EFCAB5: variants seen among roughly 807,000 people sequenced by gnomAD.
The protein encoded by EFCAB5 is EF-hand calcium binding domain 5, also known as EF-hand calcium-binding domain-containing protein 5.
Under a neutral mutation model 167.9 loss-of-function variants are expected in EFCAB5, and 131 were observed. The observed-to-expected ratio is 0.78, with a 90% CI of 0.68 to 0.90. The LOEUF is 0.90. Ranked by LOEUF, EFCAB5 falls within the 40% of genes least tolerant of loss-of-function variation. The pLI, the probability that EFCAB5 is intolerant of heterozygous loss-of-function variation, is 0.00. For missense variants in EFCAB5, 1,663 were observed against 1,745.2 expected (o/e 0.95, Z 0.84); for synonymous variants, 574 against 602.8 (o/e 0.95, Z 0.70).
chr17:30,053,141 A>C, intron 9 of EFCAB5, 114 bp from the exon 10 acceptor site: 113 of 1,102,418 alleles, frequency 1.0e-4, no homozygotes, highest in Non-Finnish European at 1.3e-4. Context: ...ATTTAGAGCA[A>C]TAGGCCTATA....
chr17:29,953,391 G>A (rs893419195), intron 3 of EFCAB5, among the ~76,000 whole-genome samples: 5 of 152,224 alleles, frequency 3.3e-5, no homozygotes, highest in Non-Finnish European at 7.3e-5. Context: ...TGTGTCATGG[G>A]AGGACCCAGT....
intron 4 of EFCAB5, among the ~76,000 whole-genome samples, chr17:29,990,299 T>C (rs1329043148): frequency 6.6e-6 from 1 of 152,206 alleles, no homozygotes; most frequent in Non-Finnish European, 1.5e-5. Context: ...TGAATAGTTA[T>C]AGGATGTTTA....
intron 14 of EFCAB5, among the ~76,000 whole-genome samples, chr17:30,060,200 T>A (rs2070387499): frequency 6.6e-6 from 1 of 151,606 alleles, no homozygotes; most frequent in South Asian, 2.1e-4. Context: ...CCCTAAAACT[T>A]AAAGTATAAT....
At position 30,059,645 on chromosome 17, in the gene EFCAB5, T is replaced by C. The variant is rs1448966957; in HGVS notation, c.2681T>C (p.Val894Ala). The C allele has an allele frequency of 1.9e-6, 3 of 1,612,640 alleles. No individual in the cohort carries two copies. Among genetic ancestry groups the C allele is most frequent in the Non-Finnish European group, 2.5e-6 (3 of 1,179,080 alleles). Reference sequence around the variant, plus strand: ...TCAGGCTTCCTGGATCTGAAGGAAGTTGATGAACTCTTGTACACATACAAG... The same window carrying C: ...TCAGGCTTCCTGGATCTGAAGGAAGCTGATGAACTCTTGTACACATACAAG... ...DGSGFLDLKE[V>A]DELLYTYKEG... Residue 894 changes from valine (V) to alanine (A), a missense_variant, in exon 14 of 23, where the codon GTT becomes GCT. By Grantham distance (64) the Val-to-Ala change is moderately conservative (BLOSUM62 0). Coordinates refer to ENST00000394835, the MANE Select transcript of EFCAB5 (RefSeq NM_198529.4).
chr17:30,053,592 A>G lies in EFCAB5; in HGVS notation c.1638A>G (p.Pro546=). ...QELYIESVIE[P]GTHTESTLEQ... ...TGTACATAGAATCAGTAATAGAACC[A>G]GGAACACACACAGAGTCAACTCTAG... Residue 546 remains proline, a synonymous_variant, in exon 10 of 23, where the codon CCA becomes CCG. Coordinates refer to ENST00000394835, the MANE Select transcript of EFCAB5 (RefSeq NM_198529.4). 1 of 1,614,016 alleles carries G rather than the reference A, an allele frequency of 6.2e-7. No homozygotes were observed. Among genetic ancestry groups the G allele is most frequent in the Non-Finnish European group, 8.5e-7 (1 of 1,179,890 alleles).
intron 6 of EFCAB5, among the ~76,000 whole-genome samples, chr17:29,997,605 C>A (rs969129133): frequency 1.3e-5 from 2 of 152,096 alleles, no homozygotes; most frequent in Non-Finnish European, 1.5e-5. Flanking sequence ...AATTCTCCCT[C>A]AAATTTTCAT....
chr17:29,972,204 A>T (rs1196454933), intron 4 of EFCAB5, among the ~76,000 whole-genome samples: 2 of 127,452 alleles, frequency 1.6e-5, no homozygotes, highest in African/African-American at 2.9e-5. Flanking sequence ...CGCCCGGCTA[A>T]TTTTTTTTTT....
chr17:29,951,044 C>G (rs901007125), intron 3 of EFCAB5, among the ~76,000 whole-genome samples: 5 of 152,152 alleles, frequency 3.3e-5, no homozygotes, highest in African/African-American at 1.2e-4. Flanking sequence ...CTTCCCCCAC[C>G]CAAAGCAGTT....
intron 14 of EFCAB5, among the ~76,000 whole-genome samples, chr17:30,061,584 C>G (rs1025746660): frequency 6.6e-6 from 1 of 151,766 alleles, no homozygotes; most frequent in Admixed American, 6.6e-5. Context: ...CCCTCCCCAC[C>G]TTTTTTTTAG....
intron 1 of EFCAB5, among the ~76,000 whole-genome samples, chr17:29,932,149 CTT>C (rs35344808): frequency 2.1e-4 from 29 of 136,556 alleles, no homozygotes; most frequent in Admixed American, 3.0e-4. Context: ...ATTAAGATAA[CTT>C]TTTTTTTTTT....
intron 3 of EFCAB5, among the ~76,000 whole-genome samples, chr17:29,948,803 C>T (rs1266896148): frequency 1.3e-5 from 2 of 152,080 alleles, no homozygotes; most frequent in Non-Finnish European, 2.9e-5. Context: ...TTTTAACTAT[C>T]AGTTTGCTCA....
chr17:30,094,581 G>T (rs1825530765), intron 22 of EFCAB5, among the ~76,000 whole-genome samples: 1 of 151,738 alleles, frequency 6.6e-6, no homozygotes, highest in Non-Finnish European at 1.5e-5. Context: ...TACTCAGGAG[G>T]CTGAGGTGGG....
chr17:30,098,118 A>AGAGGT (rs1419803912), intron 22 of EFCAB5, among the ~76,000 whole-genome samples: 1 of 151,920 alleles, frequency 6.6e-6, no homozygotes, highest in Non-Finnish European at 1.5e-5. Context: ...TATTTTTTGT[A>AGAGGT]GAGGTGGGGG....
At chr17:29,959,740 T>G (rs1421469444) in intron 3 of EFCAB5, among the ~76,000 whole-genome samples, 1 of 152,174 alleles carries the variant, frequency 6.6e-6, no homozygotes, top group Non-Finnish European at 1.5e-5. Context: ...TCCTTTCTCC[T>G]TTCCTTAATT....
intron 17 of EFCAB5, among the ~76,000 whole-genome samples, chr17:30,082,316 T>C (rs1323705207): frequency 6.6e-6 from 1 of 151,716 alleles, no homozygotes; most frequent in Non-Finnish European, 1.5e-5. Context: ...TATTCTCTAA[T>C]AGCACATACC....
At position 29,978,711 on chromosome 17, in the gene EFCAB5, A is replaced by G. The variant is rs75545706; in HGVS notation, c.767+9344A>G. Among the ~76,000 whole-genome samples the G allele has an allele frequency of 2.0e-3, 305 of 152,334 alleles. 1 individual carries two copies. Among genetic ancestry groups the G allele is most frequent in the African/African-American group, 7.1e-3 (295 of 41,582 alleles). On this transcript the variant is annotated intron_variant, in intron 4 of 22. Transcript: ENST00000394835. Reference sequence around the variant, plus strand: ...GCCTGACAAGGTGTGGTTGTCCTGAAGTAGAAACTCCTAAGACTATTGAGA... The same window carrying G: ...GCCTGACAAGGTGTGGTTGTCCTGAGGTAGAAACTCCTAAGACTATTGAGA...
chr17:30,060,796 G>A (rs990842915), intron 14 of EFCAB5, among the ~76,000 whole-genome samples: 2 of 152,110 alleles, frequency 1.3e-5, no homozygotes, highest in African/African-American at 4.8e-5. Context: ...TATCAAATGG[G>A]CAAATTTCGT....
chr17:30,004,040 G>C (rs2068723272), intron 7 of EFCAB5, among the ~76,000 whole-genome samples: 1 of 152,200 alleles, frequency 6.6e-6, no homozygotes. Flanking sequence ...GAAAAAGAGG[G>C]TCCATCCAAC....
intron 14 of EFCAB5, among the ~76,000 whole-genome samples, chr17:30,077,401 A>C (rs186460326): frequency 6.6e-6 from 1 of 152,268 alleles, no homozygotes; most frequent in African/African-American, 2.4e-5. Flanking sequence ...GTGTATGTGT[A>C]GAACACATAT....
Sources: gnomAD v4.1 joint callset for allele counts (sites outside exome capture counted in the v4.1 genomes callset) on GRCh38, gnomAD v4.1.1 for gene constraint, MANE v1.5 for transcripts, NCBI Gene and HGNC (gene_info 2026-07-23, HGNC 2026-07-21) for gene names.